Variants in TTC7B observed in about 807,000 individuals in gnomAD.
The protein encoded by TTC7B is tetratricopeptide repeat protein 7B.
TTC7B carries 28 observed loss-of-function variants against 106.8 expected under a neutral mutation model. The ratio of observed to expected loss-of-function variants is 0.26; its 90% CI spans 0.19 to 0.36. TTC7B has a LOEUF of 0.36. TTC7B is among the 10% of genes least tolerant of loss of function. The pLI, the probability that TTC7B is intolerant of heterozygous loss-of-function variation, is 1.00. For missense variants in TTC7B, 862 were observed against 1,076.4 expected, an observed-to-expected ratio of 0.80 and a Z score of 2.79; for synonymous variants, 405 against 430.6, an observed-to-expected ratio of 0.94 and a Z score of 0.74.
chr14:90,766,134 C>CAT (rs1555397454), intron 3 of TTC7B, among the ~76,000 whole-genome samples: 1 of 105,980 alleles, frequency 9.4e-6, no homozygotes, highest in East Asian at 2.9e-4. Context: ...CAGCCTACAA[C>CAT]GTTTTTTTTT....
intron 13 of TTC7B, among the ~76,000 whole-genome samples, chr14:90,652,226 C>T (rs142889241): frequency 0.012 from 1,887 of 152,242 alleles, 16 homozygotes; most frequent in Non-Finnish European, 0.02. Flanking sequence ...ACTGCCTGTC[C>T]GTCTTCCTCA....
At chr14:90,615,352 G>A (rs1893026527) in intron 16 of TTC7B, among the ~76,000 whole-genome samples, 1 of 152,202 alleles carries the variant, frequency 6.6e-6, no homozygotes, top group South Asian at 2.1e-4. Context: ...GGGGTGGGAA[G>A]ACTGGGAAAC....
intron 3 of TTC7B, among the ~76,000 whole-genome samples, chr14:90,763,585 C>T (rs750176505): frequency 6.6e-6 from 1 of 152,072 alleles, no homozygotes; most frequent in Non-Finnish European, 1.5e-5. Flanking sequence ...TTTGCAAATG[C>T]CATGATCTTA....
intron 16 of TTC7B, among the ~76,000 whole-genome samples, chr14:90,615,124 T>A (rs1047651988): frequency 1.3e-5 from 2 of 152,256 alleles, no homozygotes; most frequent in African/African-American, 4.8e-5. Flanking sequence ...CAACTGCAGG[T>A]GGAACACTAT....
At chr14:90,689,776 C>A in intron 6 of TTC7B, 64 bp from the exon 7 acceptor site, 3 of 1,542,312 alleles carry the variant, frequency 1.9e-6, no homozygotes, top group South Asian at 2.4e-5. Flanking sequence ...TTCATTCAGT[C>A]AGTCAATAAA....
rs564713514 is a variant in TTC7B, at chr14:90,673,017, G to A, written c.1152+3506C>T. 2.6e-5 allele frequency among the ~76,000 whole-genome samples: 4 copies of A among 152,272 alleles called. No homozygotes were observed. The East Asian group carries it at 7.7e-4, about 29-fold the overall frequency. On this transcript the variant is annotated intron_variant, in intron 9 of 19. Coordinates refer to ENST00000328459, the MANE Select transcript of TTC7B (RefSeq NM_001010854.2). Reference sequence around the variant, plus strand: ...GTTAATGATGTGCCTAGGCTCACACGACTGGTACATAGCAGACCCAGAGCT... The same window carrying A: ...GTTAATGATGTGCCTAGGCTCACACAACTGGTACATAGCAGACCCAGAGCT...
Position 90,584,679 on chromosome 14 carries a change from G to A in TTC7B, c.2108-6371C>T, listed in dbSNP as rs564529266. Among the ~76,000 whole-genome samples the A allele has an allele frequency of 8.6e-5, 13 of 151,662 alleles. No individual in the cohort carries two copies. In the South Asian group the frequency reaches 1.9e-3, roughly 22 times the overall value. On this transcript the variant is annotated intron_variant, in intron 18 of 19. Transcript: ENST00000328459. ...CCTCACCTGCGCCTGGCAGAGAAAC[G>A]TGACGGAAAGGACGCATGGCAGTAG...
chr14:90,605,680 T>C (rs972042665), intron 17 of TTC7B: 5 of 1,287,836 alleles, frequency 3.9e-6, no homozygotes, highest in South Asian at 2.5e-5. Flanking sequence ...TTTGGGAGAA[T>C]GAAGATGAGA....
At chr14:90,543,996 T>C (rs1242190858) in intron 19 of TTC7B, among the ~76,000 whole-genome samples, 1 of 152,152 alleles carries the variant, frequency 6.6e-6, no homozygotes, top group Non-Finnish European at 1.5e-5. Flanking sequence ...ACAGGGGAGC[T>C]GGGGTGTCCA....
At chr14:90,771,702 C>T (rs1435647382) in intron 3 of TTC7B, among the ~76,000 whole-genome samples, 6 of 151,876 alleles carry the variant, frequency 4.0e-5, no homozygotes, top group Non-Finnish European at 8.8e-5. Flanking sequence ...CACACATACA[C>T]ACACACAGAA....
intron 17 of TTC7B, among the ~76,000 whole-genome samples, chr14:90,596,487 T>C (rs951975251): frequency 6.6e-6 from 1 of 152,228 alleles, no homozygotes; most frequent in Non-Finnish European, 1.5e-5. Context: ...GAACATACCA[T>C]GTTTCAGGCA....
intron 5 of TTC7B, among the ~76,000 whole-genome samples, chr14:90,727,310 G>T (rs960086707): frequency 3.3e-5 from 5 of 152,144 alleles, no homozygotes; most frequent in African/African-American, 9.7e-5. Context: ...GAGCCACAGC[G>T]CTTCCCACAC....
At chr14:90,798,511 G>T (rs1391617492) in intron 1 of TTC7B, among the ~76,000 whole-genome samples, 1 of 152,032 alleles carries the variant, frequency 6.6e-6, no homozygotes, top group African/African-American at 2.4e-5. Context: ...AAGAGTTCGA[G>T]ACCAGCCTGG....
intron 6 of TTC7B, 69 bp downstream of exon 6, chr14:90,695,431 A>C: frequency 1.2e-6 from 1 of 841,308 alleles, no homozygotes; most frequent in Admixed American, 3.2e-5. Context: ...AAATGTAAAA[A>C]AATATGAATG....
intron 16 of TTC7B, among the ~76,000 whole-genome samples, chr14:90,611,723 C>T (rs530644653): frequency 2.6e-5 from 4 of 152,268 alleles, no homozygotes; most frequent in Admixed American, 2.6e-4. Context: ...CCGGTAAAGC[C>T]ACACGGAAAC....
chr14:90,684,349 T>C (rs1887172292), intron 7 of TTC7B, among the ~76,000 whole-genome samples: 1 of 152,094 alleles, frequency 6.6e-6, no homozygotes, highest in South Asian at 2.1e-4. Flanking sequence ...AAAGTATGCC[T>C]GACTGACTGA....
At chr14:90,718,941 AT>A (rs1888770357) in intron 5 of TTC7B, among the ~76,000 whole-genome samples, 1 of 151,674 alleles carries the variant, frequency 6.6e-6, no homozygotes, top group African/African-American at 2.4e-5. Flanking sequence ...AAAGGGTTAA[AT>A]TCCTTCCCTC....
At chr14:90,792,120 A>G (rs569691677) in intron 1 of TTC7B, among the ~76,000 whole-genome samples, 1 of 152,272 alleles carries the variant, frequency 6.6e-6, no homozygotes, top group South Asian at 2.1e-4. Flanking sequence ...CAGGCTTGCC[A>G]AATTTTTATT....
chr14:90,800,961 G>A (rs1432079531), intron 1 of TTC7B, among the ~76,000 whole-genome samples: 1 of 152,168 alleles, frequency 6.6e-6, no homozygotes, highest in Non-Finnish European at 1.5e-5. Context: ...TGAGGCAGGA[G>A]GATTGCTTGT....
Sources: allele counts gnomAD v4.1 joint callset (sites outside exome capture counted in the v4.1 genomes callset), GRCh38; gene constraint gnomAD v4.1.1; transcripts MANE v1.5; gene names NCBI Gene and HGNC (gene_info 2026-07-23, HGNC 2026-07-21).